GARRE1: variants seen among roughly 807,000 people sequenced by gnomAD.
GARRE1 encodes the protein granule associated Rac and RHOG effector 1, also known as granule associated Rac and RHOG effector protein 1.
Under a neutral mutation model 103.2 loss-of-function variants are expected in GARRE1, and 49 were observed. The observed-to-expected ratio is 0.47, with a 90% CI of 0.38 to 0.60. GARRE1 has a LOEUF of 0.60. GARRE1 is among the 20% of genes least tolerant of loss of function. The pLI, the probability that GARRE1 is intolerant of heterozygous loss-of-function variation, is 0.00. For missense variants in GARRE1, 1,199 were observed against 1,370.5 expected (o/e 0.87, Z 1.98); for synonymous variants, 505 against 532.8 (o/e 0.95, Z 0.72).
chr19:34,330,416 C>T (rs1360280974), intron 7 of GARRE1, 69 bp downstream of exon 7: 2 of 1,457,484 alleles, frequency 1.4e-6, no homozygotes, highest in South Asian at 1.2e-5. Flanking sequence ...GGATGTGGTG[C>T]AGACACATGT....
intron 2 of GARRE1, among the ~76,000 whole-genome samples, chr19:34,314,879 C>T (rs2074053069): frequency 6.6e-6 from 1 of 152,152 alleles, no homozygotes; most frequent in African/African-American, 2.4e-5. Flanking sequence ...TCTGGGGATG[C>T]ATTTAGGTCT....
intron 1 of GARRE1, among the ~76,000 whole-genome samples, chr19:34,258,745 G>T (rs933258241): frequency 6.6e-6 from 1 of 151,786 alleles, no homozygotes; most frequent in African/African-American, 2.4e-5. Context: ...AGCTGAGATC[G>T]TGCCACTGCA....
chr19:34,323,023 CTTTTTTTTTTTTTT>C (rs71165649), intron 3 of GARRE1, among the ~76,000 whole-genome samples: 1 of 66,690 alleles, frequency 1.5e-5, no homozygotes, highest in Non-Finnish European at 2.7e-5. Flanking sequence ...TATTTCTTTT[CTTTTTTTTTTTTTT>C]TTTTTTTTTT....
chr19:34,333,677 G>GTTTTTTTTTTTTTTTTTTTTTTTTTTGT, intron 7 of GARRE1, 27 bp from the exon 8 acceptor site: 1 of 673,616 alleles, frequency 1.5e-6, no homozygotes, highest in East Asian at 2.7e-5. Flanking sequence ...GTTGTTATTT[G>GTTTTTTTTTTTTTTTTTTTTTTTTTTGT]TTTTTTTTTT....
intron 3 of GARRE1, among the ~76,000 whole-genome samples, chr19:34,326,999 A>G (rs2074114826): frequency 6.6e-6 from 1 of 151,960 alleles, no homozygotes; most frequent in Admixed American, 6.6e-5. Flanking sequence ...TACTAAAAAT[A>G]CAAAACTCAA....
chr19:34,274,671 G>T (rs2073806449), intron 1 of GARRE1, among the ~76,000 whole-genome samples: 1 of 152,152 alleles, frequency 6.6e-6, no homozygotes, highest in Non-Finnish European at 1.5e-5. Context: ...TTCCCAGAAG[G>T]AATATGTTGC....
chr19:34,341,113 A>G (rs904082718), intron 9 of GARRE1, among the ~76,000 whole-genome samples: 5 of 152,118 alleles, frequency 3.3e-5, no homozygotes, highest in Non-Finnish European at 5.9e-5. Context: ...TCCAGGCACA[A>G]ATCTAGCTTC....
At chr19:34,320,529 C>G (rs543513713) in intron 3 of GARRE1, among the ~76,000 whole-genome samples, 20 of 152,250 alleles carry the variant, frequency 1.3e-4, no homozygotes, top group Admixed American at 1.1e-3. Context: ...GGTAAGTGGC[C>G]AGCCAGGCAG....
intron 10 of GARRE1, among the ~76,000 whole-genome samples, chr19:34,345,641 G>GA (rs1266148910): frequency 6.6e-6 from 1 of 152,060 alleles, no homozygotes; most frequent in Non-Finnish European, 1.5e-5. Flanking sequence ...CCAACATGGC[G>GA]AAACCCCGTC....
intron 11 of GARRE1, 142 bp downstream of exon 11, chr19:34,348,184 A>G (rs1006431148): frequency 2.8e-6 from 2 of 704,774 alleles, no homozygotes; most frequent in African/African-American, 3.7e-5. Flanking sequence ...GTGACATGGG[A>G]TGAAATCTTT....
At chr19:34,350,682 C>T (rs976955137) in intron 12 of GARRE1, among the ~76,000 whole-genome samples, 5 of 152,176 alleles carry the variant, frequency 3.3e-5, no homozygotes, top group Admixed American at 2.6e-4. Flanking sequence ...TCCGGGTTCA[C>T]GCCATTCTCC....
At chr19:34,263,189 G>A (rs2073729670) in intron 1 of GARRE1, among the ~76,000 whole-genome samples, 1 of 151,524 alleles carries the variant, frequency 6.6e-6, no homozygotes, top group Admixed American at 6.6e-5. Flanking sequence ...CTCCAGCCTG[G>A]GTGACAGAGC....
chr19:34,255,072 A>C (rs1281605227), intron 1 of GARRE1, among the ~76,000 whole-genome samples: 1 of 151,840 alleles, frequency 6.6e-6, no homozygotes, highest in Non-Finnish European at 1.5e-5. Context: ...GGCGGCCCTC[A>C]CGCCATCCCG....
chr19:34,345,152 C>T (rs1189840057), intron 10 of GARRE1, among the ~76,000 whole-genome samples: 1 of 152,030 alleles, frequency 6.6e-6, no homozygotes, highest in African/African-American at 2.4e-5. Flanking sequence ...GGGGTTTTGC[C>T]ATGTTGGCCA....
chr19:34,314,915 C>T (rs561170026), intron 2 of GARRE1, among the ~76,000 whole-genome samples: 82 of 152,174 alleles, frequency 5.4e-4, no homozygotes, highest in Non-Finnish European at 9.3e-4. Context: ...GTGTGTAGCT[C>T]ATTATGTAAT....
At chr19:34,266,305 T>C (rs754869732) in intron 1 of GARRE1, among the ~76,000 whole-genome samples, 27 of 152,320 alleles carry the variant, frequency 1.8e-4, no homozygotes, top group Middle Eastern at 6.8e-3. Context: ...TCTCATTTCT[T>C]AATGTTTGAC....
intron 9 of GARRE1, among the ~76,000 whole-genome samples, chr19:34,340,221 G>C (rs1175684931): frequency 6.6e-6 from 1 of 152,046 alleles, no homozygotes; most frequent in East Asian, 1.9e-4. Flanking sequence ...TAACTTTTTT[G>C]CCTTCCTTTA....
intron 3 of GARRE1, among the ~76,000 whole-genome samples, chr19:34,326,793 G>A (rs953250241): frequency 2.0e-5 from 3 of 151,534 alleles, no homozygotes; most frequent in African/African-American, 7.3e-5. Context: ...ACATATATAT[G>A]TGTGTATATA....
At chr19:34,285,737 C>G (rs1247780974) in intron 1 of GARRE1, among the ~76,000 whole-genome samples, 1 of 151,928 alleles carries the variant, frequency 6.6e-6, no homozygotes, top group African/African-American at 2.4e-5. Context: ...ACCTCGTGAT[C>G]CAGCTGCCTC....
Sources: allele counts gnomAD v4.1 joint callset (sites outside exome capture counted in the v4.1 genomes callset), GRCh38; gene constraint gnomAD v4.1.1; transcripts MANE v1.5; gene names NCBI Gene and HGNC (gene_info 2026-07-23, HGNC 2026-07-21).